Variants in DOCK3 observed in about 807,000 individuals in gnomAD.
DOCK3 encodes dedicator of cytokinesis 3.
In DOCK3, 60 loss-of-function variants were observed where a neutral mutation model predicts 265.6. The ratio of observed to expected loss-of-function variants is 0.23; its 90% CI spans 0.18 to 0.28. The LOEUF is 0.28. Ranked by LOEUF, DOCK3 falls within the 10% of genes least tolerant of loss-of-function variation. The probability of loss-of-function intolerance (pLI) is 1.00; values close to 1 mark genes in which losing one functional copy is unlikely to be tolerated. For synonymous variants in DOCK3, 881 were observed against 938.0 expected (o/e 0.94, Z 1.11); for missense variants, 1,981 against 2,594.3 (o/e 0.76, Z 5.14).
At chr3:50,840,443 G>A (rs553382085) in intron 2 of DOCK3, among the ~76,000 whole-genome samples, 5 of 152,322 alleles carry the variant, frequency 3.3e-5, no homozygotes, top group African/African-American at 1.2e-4. Flanking sequence ...TGGATGTCCA[G>A]TTGTTCCAGC....
At chr3:51,191,814 GC>G (rs1216871549) in intron 12 of DOCK3, among the ~76,000 whole-genome samples, 3 of 151,732 alleles carry the variant, frequency 2.0e-5, no homozygotes, top group Non-Finnish European at 4.4e-5. Flanking sequence ...AAAACTCTTT[GC>G]CCACTTTTAT....
intron 7 of DOCK3, among the ~76,000 whole-genome samples, chr3:51,085,558 C>T (rs2082388724): frequency 6.6e-6 from 1 of 151,996 alleles, no homozygotes; most frequent in African/African-American, 2.4e-5. Context: ...AAACAGCATG[C>T]TCCTGAATAA....
At chr3:51,347,201 T>TG (rs1382770304) in intron 38 of DOCK3, among the ~76,000 whole-genome samples, 1 of 152,246 alleles carries the variant, frequency 6.6e-6, no homozygotes, top group Non-Finnish European at 1.5e-5. Context: ...GTTTTAGTCA[T>TG]GAAGTCCTTG....
chr3:50,757,405 C>T (rs1365544395), intron 1 of DOCK3, among the ~76,000 whole-genome samples: 1 of 152,022 alleles, frequency 6.6e-6, no homozygotes, highest in African/African-American at 2.4e-5. Context: ...CTCCTGGTCT[C>T]AAGTGATCCA....
At chr3:51,286,209 A>G (rs1354568570) in intron 27 of DOCK3, among the ~76,000 whole-genome samples, 2 of 152,244 alleles carry the variant, frequency 1.3e-5, no homozygotes, top group Non-Finnish European at 2.9e-5. Context: ...ACGTAATTCC[A>G]TTCACAATAG....
chr3:51,014,040 C>T (rs2079054315), intron 5 of DOCK3, among the ~76,000 whole-genome samples: 1 of 152,170 alleles, frequency 6.6e-6, no homozygotes, highest in Admixed American at 6.5e-5. Context: ...GTTTAGGTGG[C>T]AGTGTCCCGA....
At chr3:50,977,113 T>C (rs1452723587) in intron 5 of DOCK3, among the ~76,000 whole-genome samples, 1 of 151,274 alleles carries the variant, frequency 6.6e-6, no homozygotes, top group Non-Finnish European at 1.5e-5. Flanking sequence ...CCAGTCTGTG[T>C]CTTTTAATTG....
At chr3:50,806,007 G>A (rs908115708) in intron 2 of DOCK3, among the ~76,000 whole-genome samples, 1 of 151,990 alleles carries the variant, frequency 6.6e-6, no homozygotes, top group African/African-American at 2.4e-5. Flanking sequence ...GGCTGCAGCT[G>A]CTCAGCTGGC....
At chr3:51,126,465 G>A (rs11130274) in intron 9 of DOCK3, among the ~76,000 whole-genome samples, 138,682 of 152,256 alleles carry the variant, frequency 0.91, 63,317 homozygotes, top group African/African-American at 0.95. Context: ...CCATGGGTGT[G>A]ATTAGCAAAA....
chr3:50,904,221 A>G (rs1377114822), intron 4 of DOCK3, among the ~76,000 whole-genome samples: 1 of 152,226 alleles, frequency 6.6e-6, no homozygotes, highest in African/African-American at 2.4e-5. Context: ...CACATTAAAC[A>G]TACGTGTGCA....
intron 2 of DOCK3, among the ~76,000 whole-genome samples, chr3:50,810,011 T>C (rs1406459079): frequency 6.6e-6 from 1 of 152,126 alleles, no homozygotes; most frequent in African/African-American, 2.4e-5. Context: ...GGTGTGTGCC[T>C]GTAGTCTTAG....
intron 5 of DOCK3, among the ~76,000 whole-genome samples, chr3:51,040,940 A>G (rs2080456093): frequency 6.6e-6 from 1 of 151,712 alleles, no homozygotes; most frequent in Admixed American, 6.6e-5. Context: ...CATATCTGCA[A>G]TCACTTTCAC....
intron 1 of DOCK3, among the ~76,000 whole-genome samples, chr3:50,770,456 G>GA (rs71631076): frequency 3.8e-4 from 55 of 145,020 alleles, no homozygotes; most frequent in Middle Eastern, 3.6e-3. Context: ...CAAAAAAAAA[G>GA]AAAAAAAAAA....
chr3:51,321,344 C>T (rs936021909), intron 32 of DOCK3, among the ~76,000 whole-genome samples: 10 of 152,108 alleles, frequency 6.6e-5, no homozygotes, highest in African/African-American at 9.7e-5. Flanking sequence ...CAAAGACCAA[C>T]GGTAGATAAA....
intron 12 of DOCK3, among the ~76,000 whole-genome samples, chr3:51,175,440 C>T (rs2086891223): frequency 6.6e-6 from 1 of 152,162 alleles, no homozygotes; most frequent in African/African-American, 2.4e-5. Flanking sequence ...GGTCTGCCTC[C>T]AGAGACACAG....
At position 50,890,027 on chromosome 3, in the gene DOCK3, G is replaced by A; in HGVS notation, c.164G>A (p.Gly55Glu). 1.4e-6 allele frequency: 2 copies of A among 1,411,058 alleles called. No individual in the cohort carries two copies. Among genetic ancestry groups the A allele is most frequent in the Non-Finnish European group, 1.8e-6 (2 of 1,089,144 alleles). 87.4% of individuals were successfully genotyped at this position (1,411,058 alleles called of 1,614,324 possible). The change falls in exon 4 of 53, where the codon GGG becomes GAG. Residue 55 changes from glycine to glutamate, a missense_variant and splice_region_variant. This residue lies in a region of DOCK3 where 456 missense variants were observed against 539.0 expected (regional missense o/e 0.85). Coordinates refer to ENST00000266037, the MANE Select transcript of DOCK3 (RefSeq NM_004947.5). ...GVSTKKPNVK[G>E]IFPANYIHLK... ...CAGGAAATATTTTCTCTTTTACAGGGGATCTTTCCTGCAAATTACATTCAC... is the reference window on the plus strand; with the variant it reads ...CAGGAAATATTTTCTCTTTTACAGGAGATCTTTCCTGCAAATTACATTCAC...
At chr3:51,159,155 C>G in intron 10 of DOCK3, 89 bp from the exon 11 acceptor site, 2 of 1,273,960 alleles carry the variant, frequency 1.6e-6, no homozygotes, top group Non-Finnish European at 2.3e-6. Flanking sequence ...CTATAACATA[C>G]AGTAAAAGCA....
chr3:51,278,407 A>G (rs1255408910), intron 26 of DOCK3: 17 of 985,208 alleles, frequency 1.7e-5, no homozygotes, highest in South Asian at 4.7e-5. Flanking sequence ...GATGTGATAA[A>G]CAGTTTTCGT....
rs568542205 is a variant in DOCK3, at chr3:50,770,075, T to C, written c.38-8600T>C. Reference sequence around the variant, plus strand: ...CAAGGATGCCCACTTTCACCAGTTATTCAGCATAGTACTGGAAGTCCTAGA... The same window carrying C: ...CAAGGATGCCCACTTTCACCAGTTACTCAGCATAGTACTGGAAGTCCTAGA... On this transcript the variant is annotated intron_variant, in intron 1 of 52. Coordinates refer to ENST00000266037, the MANE Select transcript of DOCK3 (RefSeq NM_004947.5). Among the ~76,000 whole-genome samples, 3 of 152,178 alleles carry C rather than the reference T, an allele frequency of 2.0e-5. No homozygotes were observed. In the East Asian group the frequency reaches 5.8e-4, roughly 29 times the overall value.
Sources: gnomAD v4.1 joint callset for allele counts (sites outside exome capture counted in the v4.1 genomes callset) on GRCh38, gnomAD v4.1.1 for gene constraint, gnomAD v4.1.1 regional missense constraint, MANE v1.5 for transcripts, NCBI Gene and HGNC (gene_info 2026-07-23, HGNC 2026-07-21) for gene names.